Variants in PLEKHA6 observed in about 807,000 individuals in gnomAD.
PLEKHA6 encodes pleckstrin homology domain containing A6.
A neutral mutation model predicts 116.7 loss-of-function variants in PLEKHA6; 60 were observed. The ratio of observed to expected loss-of-function variants is 0.51; its 90% CI spans 0.42 to 0.64. The LOEUF is 0.64. Among genes scored for constraint, PLEKHA6 ranks in the 30% least tolerant of loss-of-function variants. The probability of loss-of-function intolerance (pLI) is 0.00; values close to 1 mark genes in which losing one functional copy is unlikely to be tolerated. For synonymous variants in PLEKHA6, 489 were observed against 556.1 expected (o/e 0.88, Z 1.70); for missense variants, 1,338 against 1,422.7 (o/e 0.94, Z 0.96).
intron 2 of PLEKHA6, 97 bp from the exon 3 acceptor site, chr1:204,273,837 G>C: frequency 1.2e-6 from 1 of 810,412 alleles, no homozygotes; most frequent in East Asian, 2.7e-5. Context: ...CACTGTTTCA[G>C]CATCAGCACA....
chr1:204,340,526 C>T (rs1040954862), intron 1 of PLEKHA6, among the ~76,000 whole-genome samples: 1 of 152,196 alleles, frequency 6.6e-6, no homozygotes, highest in Admixed American at 6.5e-5. Context: ...ATCCCAGAAC[C>T]AGGCAAGCGA....
At chr1:204,239,485 C>A (rs1432910503) in intron 17 of PLEKHA6, among the ~76,000 whole-genome samples, 2 of 152,184 alleles carry the variant, frequency 1.3e-5, no homozygotes, top group Non-Finnish European at 2.9e-5. Flanking sequence ...TTTGCCTATC[C>A]TGTATGCAAT....
intron 5 of PLEKHA6, among the ~76,000 whole-genome samples, chr1:204,265,339 A>G (rs1666670447): frequency 6.6e-6 from 1 of 152,194 alleles, no homozygotes; most frequent in Non-Finnish European, 1.5e-5. Context: ...CAAATAAACA[A>G]AGAAATAACA....
At chr1:204,282,925 C>T (rs1445030851) in intron 1 of PLEKHA6, 2 of 388,378 alleles carry the variant, frequency 5.1e-6, no homozygotes, top group Non-Finnish European at 7.0e-6. Flanking sequence ...CCAGCCCCCT[C>T]GCCTCCAAGT....
chr1:204,315,769 A>G (rs1215617532), intron 1 of PLEKHA6, among the ~76,000 whole-genome samples: 5 of 152,146 alleles, frequency 3.3e-5, no homozygotes, highest in Non-Finnish European at 5.9e-5. Flanking sequence ...CTCCCGTGAC[A>G]GGCAGCCTGG....
At chr1:204,236,401 C>G (rs7531315) in intron 17 of PLEKHA6, among the ~76,000 whole-genome samples, 43,883 of 151,964 alleles carry the variant, frequency 0.29, 7,785 homozygotes, top group East Asian at 0.5. Flanking sequence ...CTACTCATTC[C>G]AGCTGGGAGG....
intron 1 of PLEKHA6, among the ~76,000 whole-genome samples, chr1:204,343,865 G>A (rs746960239): frequency 6.6e-6 from 1 of 152,062 alleles, no homozygotes; most frequent in South Asian, 2.1e-4. Flanking sequence ...CCCCTATCCT[G>A]GTCATTCCAT....
chr1:204,245,121 AT>A, intron 14 of PLEKHA6, 118 bp from the exon 15 acceptor site: 1 of 688,096 alleles, frequency 1.5e-6, no homozygotes, highest in Non-Finnish European at 2.2e-6. Context: ...GGAAGGGCAG[AT>A]TTAGTGTCTC....
intron 4 of PLEKHA6, among the ~76,000 whole-genome samples, chr1:204,267,973 T>C (rs1256487729): frequency 8.5e-6 from 1 of 117,002 alleles, no homozygotes; most frequent in Non-Finnish European, 1.9e-5. Context: ...TCAAGGTCAT[T>C]GCATCTGTCC....
chr1:204,305,003 C>T (rs928385209), intron 1 of PLEKHA6, among the ~76,000 whole-genome samples: 1 of 152,154 alleles, frequency 6.6e-6, no homozygotes, highest in Non-Finnish European at 1.5e-5. Flanking sequence ...TTACCATATC[C>T]TCGCCTGTTC....
intron 1 of PLEKHA6, among the ~76,000 whole-genome samples, chr1:204,299,136 T>G (rs1670570261): frequency 6.6e-6 from 1 of 152,212 alleles, no homozygotes; most frequent in Non-Finnish European, 1.5e-5. Flanking sequence ...AGTCAGTAAC[T>G]TGTACCCAGA....
intron 1 of PLEKHA6, among the ~76,000 whole-genome samples, chr1:204,349,736 G>A (rs1292175987): frequency 2.0e-5 from 3 of 152,156 alleles, no homozygotes; most frequent in Admixed American, 1.3e-4. Context: ...TCATAGATCA[G>A]AGTGGCGAGG....
intron 1 of PLEKHA6, among the ~76,000 whole-genome samples, chr1:204,282,993 C>T (rs1668788369): frequency 6.6e-6 from 1 of 152,198 alleles, no homozygotes; most frequent in African/African-American, 2.4e-5. Context: ...CAGGGCAGGG[C>T]AATAATTAAT....
intron 1 of PLEKHA6, among the ~76,000 whole-genome samples, chr1:204,340,580 G>A (rs1359945469): frequency 2.0e-5 from 3 of 152,158 alleles, no homozygotes; most frequent in Non-Finnish European, 4.4e-5. Context: ...AGCTGGTCTT[G>A]CCTCAAATGA....
chr1:204,246,304 T>A (rs1663669062), intron 13 of PLEKHA6, among the ~76,000 whole-genome samples: 1 of 152,136 alleles, frequency 6.6e-6, no homozygotes, highest in Non-Finnish European at 1.5e-5. Flanking sequence ...GCAGCAGCTA[T>A]CCCCTCTTCA....
chr1:204,290,481 A>G (rs1386431473), intron 1 of PLEKHA6, among the ~76,000 whole-genome samples: 1 of 152,212 alleles, frequency 6.6e-6, no homozygotes, highest in African/African-American at 2.4e-5. Flanking sequence ...AAACAAACAA[A>G]CAAACAACCT....
chr1:204,357,469 T>G (rs3014614), intron 1 of PLEKHA6, among the ~76,000 whole-genome samples: 35,015 of 152,132 alleles, frequency 0.23, 6,258 homozygotes, highest in East Asian at 0.61. Context: ...AAATATAGTC[T>G]TTTTTTCCTC....
chr1:204,219,219 ACGTG>A lies in PLEKHA6; in HGVS notation c.*3565_*3568del, dbSNP rs1452459011. The A allele has an allele frequency of 6.8e-6, 1 of 147,108 alleles. No individual in the cohort carries two copies. The highest frequency in any genetic ancestry group is 2.6e-5 in the African/African-American group (1 of 38,316). 9.1% of individuals were successfully genotyped at this position (147,108 alleles called of 1,614,324 possible). A position where few individuals can be genotyped will look rare whatever the true frequency, so the allele number is the denominator to read the frequency against. On this transcript the variant is annotated 3_prime_UTR_variant, in exon 23 of 23. Transcript: ENST00000272203. ...CCCCAATATGTGCATAAATAGATAT[ACGTG>A]TGTGTGTGTGTGTGTGTGTATATAT...
At chr1:204,344,906 G>A (rs1052834740) in intron 1 of PLEKHA6, among the ~76,000 whole-genome samples, 65 of 152,176 alleles carry the variant, frequency 4.3e-4, no homozygotes, top group African/African-American at 1.4e-3. Flanking sequence ...AAAAATGTGG[G>A]TGTAAGAGTT....
Sources: allele counts gnomAD v4.1 joint callset (sites outside exome capture counted in the v4.1 genomes callset), GRCh38; gene constraint gnomAD v4.1.1; transcripts MANE v1.5; gene names NCBI Gene and HGNC (gene_info 2026-07-23, HGNC 2026-07-21).